GRHL2: variants seen among roughly 807,000 people sequenced by gnomAD.
GRHL2 encodes the protein grainyhead like transcription factor 2, also known as grainyhead-like protein 2 homolog.
In GRHL2, 21 loss-of-function variants were observed where a neutral mutation model predicts 83.8. That is an observed-to-expected ratio of 0.25 (90% CI 0.18 to 0.36). The LOEUF is 0.36. GRHL2 is among the 10% of genes least tolerant of loss of function. The probability of loss-of-function intolerance (pLI) is 1.00; values close to 1 mark genes in which losing one functional copy is unlikely to be tolerated. For synonymous variants in GRHL2, 280 were observed against 278.9 expected (o/e 1.00, Z -0.04); for missense variants, 623 against 781.8 (o/e 0.80, Z 2.42).
At chr8:101,634,576 A>G (rs938411712) in intron 11 of GRHL2, among the ~76,000 whole-genome samples, 8 of 152,150 alleles carry the variant, frequency 5.3e-5, no homozygotes, top group African/African-American at 1.9e-4. Flanking sequence ...GAGAGACGCA[A>G]GGATTGGTGT....
At chr8:101,641,619 T>G (rs1356126907) in intron 12 of GRHL2, among the ~76,000 whole-genome samples, 2 of 152,126 alleles carry the variant, frequency 1.3e-5, no homozygotes, top group African/African-American at 2.4e-5. Flanking sequence ...TTTCCCTGAG[T>G]TGATCCTACA....
chr8:101,657,386 G>GATC (rs1813815702), intron 14 of GRHL2, among the ~76,000 whole-genome samples: 2 of 152,268 alleles, frequency 1.3e-5, no homozygotes, highest in South Asian at 4.2e-4. Context: ...AAAAATTATA[G>GATC]ATCATCAGAC....
chr8:101,662,895 G>A (rs897544245), intron 14 of GRHL2, among the ~76,000 whole-genome samples: 1 of 147,430 alleles, frequency 6.8e-6, no homozygotes, highest in Admixed American at 6.7e-5. Flanking sequence ...AAATACAAGT[G>A]GGATCACACC....
chr8:101,635,361 G>A (rs1038844735), intron 11 of GRHL2, among the ~76,000 whole-genome samples: 2 of 152,202 alleles, frequency 1.3e-5, no homozygotes. Flanking sequence ...TGGGCAAGGA[G>A]GAGAAATGAC....
intron 8 of GRHL2, among the ~76,000 whole-genome samples, chr8:101,603,138 C>G (rs1024429294): frequency 1.3e-5 from 2 of 151,996 alleles, no homozygotes; most frequent in African/African-American, 2.4e-5. Flanking sequence ...CTGGATAATA[C>G]CACTTGAGGA....
chr8:101,573,583 T>C (rs889016599), intron 5 of GRHL2, 85 bp from the exon 6 acceptor site: 23 of 1,506,848 alleles, frequency 1.5e-5, no homozygotes, highest in African/African-American at 9.6e-5. Context: ...TTAATGTTCA[T>C]GTGAAATGCT....
intron 12 of GRHL2, among the ~76,000 whole-genome samples, chr8:101,637,810 G>A (rs908366865): frequency 1.4e-4 from 21 of 152,074 alleles, no homozygotes; most frequent in East Asian, 5.8e-4. Context: ...ACTTCTACCC[G>A]TTGGCCTTAG....
intron 14 of GRHL2, among the ~76,000 whole-genome samples, chr8:101,655,927 AG>A (rs955430021): frequency 2.6e-5 from 4 of 152,190 alleles, no homozygotes; most frequent in Non-Finnish European, 4.4e-5. Flanking sequence ...CTAATCCCCA[AG>A]GCCAGCAGGG....
rs756191074 is a variant in GRHL2, at chr8:101,570,362, G to A, written c.702G>A (p.Gly234=). ...AGAAATTTCGGAGTGCTTCAGTTGGGGCTGAGGAGTACATGTATGATCAGA... is the reference window on the plus strand; with the variant it reads ...AGAAATTTCGGAGTGCTTCAGTTGGAGCTGAGGAGTACATGTATGATCAGA... ...ATEKFRSASV[G]AEEYMYDQTS... is the part of the protein sequence containing the mutation. Residue 234 remains glycine, a synonymous_variant, in exon 5 of 16, where the codon GGG becomes GGA. Coordinates refer to ENST00000646743, the MANE Select transcript of GRHL2 (RefSeq NM_024915.4). 1.9e-6 allele frequency: 3 copies of A among 1,613,920 alleles called. No individual in the cohort carries two copies. The South Asian group carries it at 3.3e-5, about 18-fold the overall frequency.
chr8:101,612,541 A>G (rs1355275947), intron 8 of GRHL2, among the ~76,000 whole-genome samples: 1 of 150,546 alleles, frequency 6.6e-6, no homozygotes, highest in African/African-American at 2.5e-5. Context: ...ACATACATAC[A>G]TACATACATA....
chr8:101,589,904 G>T (rs1812243632), intron 7 of GRHL2, among the ~76,000 whole-genome samples: 1 of 152,194 alleles, frequency 6.6e-6, no homozygotes, highest in African/African-American at 2.4e-5. Context: ...CCTCTGGCAT[G>T]TATGTAGATG....
chr8:101,673,622 C>G (rs1464683274), downstream of GRHL2, among the ~76,000 whole-genome samples: 1 of 151,700 alleles, frequency 6.6e-6, no homozygotes, highest in African/African-American at 2.4e-5. Flanking sequence ...ACTTTGACAC[C>G]CCACTGTCAA....
chr8:101,653,872 T>C (rs1359524074), intron 14 of GRHL2, among the ~76,000 whole-genome samples: 1 of 152,190 alleles, frequency 6.6e-6, no homozygotes, highest in African/African-American at 2.4e-5. Flanking sequence ...AGCCCATTAA[T>C]GTGAGAGCCA....
chr8:101,561,944 C>A, intron 4 of GRHL2: 1 of 601,238 alleles, frequency 1.7e-6, no homozygotes, highest in Non-Finnish European at 3.1e-6. Context: ...TTAGCAGTTC[C>A]AAGTCTCCAA....
At chr8:101,516,410 C>CTTTTTTTT (rs33990862) in intron 1 of GRHL2, among the ~76,000 whole-genome samples, 5 of 86,012 alleles carry the variant, frequency 5.8e-5, no homozygotes, top group East Asian at 3.2e-4. Context: ...ACCTCTTTTC[C>CTTTTTTTT]TTTTTTTTTT....
At chr8:101,600,903 A>AC (rs1286918156) in intron 8 of GRHL2, among the ~76,000 whole-genome samples, 1 of 152,176 alleles carries the variant, frequency 6.6e-6, no homozygotes, top group Non-Finnish European at 1.5e-5. Context: ...GATGCCTGTA[A>AC]CCCCAGCACT....
Position 101,543,228 on chromosome 8 carries a change from CTT to C in GRHL2, c.21-12_21-11del, listed in dbSNP as rs1270081246. Reference sequence around the variant, plus strand: ...CTCTGAAAATGAACCTCACATTTCTCTTGTTTTTACAGTAATAAAAGACTAGT... The same window carrying C: ...CTCTGAAAATGAACCTCACATTTCTCGTTTTTACAGTAATAAAAGACTAGT... On this transcript the variant is annotated splice_polypyrimidine_tract_variant and intron_variant, in intron 1 of 15. Coordinates refer to ENST00000646743, the MANE Select transcript of GRHL2 (RefSeq NM_024915.4). The C allele has an allele frequency of 6.2e-7, 1 of 1,610,734 alleles. No homozygotes were observed. Among genetic ancestry groups the C allele is most frequent in the Non-Finnish European group, 8.5e-7 (1 of 1,177,018 alleles).
At chr8:101,653,233 A>C (rs1387487931) in intron 14 of GRHL2, among the ~76,000 whole-genome samples, 1 of 151,916 alleles carries the variant, frequency 6.6e-6, no homozygotes, top group Non-Finnish European at 1.5e-5. Context: ...ATTTCAAAAT[A>C]ATATCATTGT....
chr8:101,599,279 G>T, intron 8 of GRHL2, 128 bp downstream of exon 8: 1 of 732,956 alleles, frequency 1.4e-6, no homozygotes, highest in Admixed American at 2.0e-5. Context: ...TTTTGCCTTT[G>T]TGGAGGGTAA....
Sources: allele counts gnomAD v4.1 joint callset (sites outside exome capture counted in the v4.1 genomes callset), GRCh38; gene constraint gnomAD v4.1.1; transcripts MANE v1.5; gene names NCBI Gene and HGNC (gene_info 2026-07-23, HGNC 2026-07-21).